SLC25A42: variants seen among roughly 807,000 people sequenced by gnomAD.
SLC25A42 encodes the protein mitochondrial coenzyme A transporter SLC25A42.
A neutral mutation model predicts 34.7 loss-of-function variants in SLC25A42; 19 were observed. The ratio of observed to expected loss-of-function variants is 0.55; its 90% CI spans 0.38 to 0.80. The LOEUF (loss-of-function observed/expected upper bound fraction) is 0.80. Ranked by LOEUF, SLC25A42 falls within the 30% of genes least tolerant of loss-of-function variation. The pLI is 0.00. For synonymous variants in SLC25A42, 205 were observed against 191.2 expected, an observed-to-expected ratio of 1.07 and a Z score of -0.59; for missense variants, 364 against 441.3, an observed-to-expected ratio of 0.82 and a Z score of 1.57.
rs555513923 is a variant in SLC25A42 at position 19,094,427 on chromosome 19, C to T, written c.-34-1664C>T. Among the ~76,000 whole-genome samples, 16 of 152,240 alleles carry T rather than the reference C, an allele frequency of 1.1e-4. 1 individual carries two copies. Among genetic ancestry groups the T allele is most frequent in the Admixed American group, 5.9e-4 (9 of 15,290 alleles). The stretch of plus-strand genomic sequence containing the variant: ...CAGCTTTGGCCATCAAGGGTTCTTT[C>T]GGTGGGTGCCCATGACCCCCTCGCC... On this transcript the variant is annotated intron_variant, in intron 1 of 7. Transcript: ENST00000318596.
At chr19:19,100,608 C>T (rs2059791003) in intron 2 of SLC25A42, among the ~76,000 whole-genome samples, 1 of 152,202 alleles carries the variant, frequency 6.6e-6, no homozygotes, top group Non-Finnish European at 1.5e-5. Context: ...CAAGCTCAGC[C>T]TCTCACCTAC....
At position 19,110,749 on chromosome 19, in the gene SLC25A42, A is replaced by G. The variant is rs1272312180; in HGVS notation, c.830A>G (p.Glu277Gly). ...IARTLRTIVR[E>G]EGAVRGLYKG... Reference sequence around the variant, plus strand: ...CGCACGCTGCGCACCATCGTGCGGGAGGAGGGCGCCGTGCGCGGCCTCTAC... The same window carrying G: ...CGCACGCTGCGCACCATCGTGCGGGGGGAGGGCGCCGTGCGCGGCCTCTAC... The change falls in exon 8 of 8, where the codon GAG becomes GGG. Residue 277 changes from glutamate to glycine, a missense_variant. Transcript: ENST00000318596. 9 of 1,612,530 alleles carry G rather than the reference A, an allele frequency of 5.6e-6. No individual in the cohort carries two copies. Among genetic ancestry groups the G allele is most frequent in the Non-Finnish European group, 4.2e-6 (5 of 1,179,626 alleles).
rs1483571145 is a variant in SLC25A42 at position 19,107,879 on chromosome 19, G to A, written c.498-15G>A. ...AGGCCTGAGTCCCACCTGCTGGGCT[G>A]CTCTGTCCTGGCAGGTACAGCAACA... On this transcript the variant is annotated splice_polypyrimidine_tract_variant and intron_variant, in intron 6 of 7. Transcript: ENST00000318596. 1 of 1,613,618 alleles carries A rather than the reference G, an allele frequency of 6.2e-7. No individual in the cohort carries two copies. The highest frequency in any genetic ancestry group is 8.5e-7 in the Non-Finnish European group (1 of 1,179,892).
At chr19:19,073,673 CA>C (rs1343568461) in intron 1 of SLC25A42, among the ~76,000 whole-genome samples, 2 of 151,676 alleles carry the variant, frequency 1.3e-5, no homozygotes, top group African/African-American at 4.8e-5. Flanking sequence ...CTCCTAGGTT[CA>C]AGCAATTCTC....
In SLC25A42 at chr19:19,101,810, G is replaced by GCTGTCTGGGGCC. The variant is rs1350859965; in HGVS notation, c.115_126dup (p.Ser39_Leu42dup). ...ACCACAGGCAAGTGCTCAGCTCCCT[G>GCTGTCTGGGGCC]CTGTCTGGGGCCCTGGCTGGTGCCC... On this transcript the variant is annotated inframe_insertion, in exon 3 of 8. Coordinates refer to ENST00000318596, the MANE Select transcript of SLC25A42 (RefSeq NM_178526.5). 1.9e-6 allele frequency: 3 copies of GCTGTCTGGGGCC among 1,613,708 alleles called. No homozygotes were observed. Among genetic ancestry groups the GCTGTCTGGGGCC allele is most frequent in the Middle Eastern group, 1.7e-4 (1 of 6,058 alleles).
chr19:19,092,322 C>T (rs1415298338), intron 1 of SLC25A42, among the ~76,000 whole-genome samples: 1 of 152,212 alleles, frequency 6.6e-6, no homozygotes, highest in Admixed American at 6.5e-5. Context: ...CCAGTTACGT[C>T]CCCCAGCCCC....
intron 1 of SLC25A42, among the ~76,000 whole-genome samples, chr19:19,088,604 C>T (rs2059721433): frequency 6.6e-6 from 1 of 152,102 alleles, no homozygotes; most frequent in African/African-American, 2.4e-5. Context: ...ATTCTCCTGC[C>T]TCAGCCTCCT....
chr19:19,065,720 T>C (rs1265841392), intron 1 of SLC25A42, among the ~76,000 whole-genome samples: 1 of 152,260 alleles, frequency 6.6e-6, no homozygotes, highest in African/African-American at 2.4e-5. Context: ...TATATGTATG[T>C]ATATGTGTGT....
chr19:19,067,985 C>T (rs967630237), intron 1 of SLC25A42, among the ~76,000 whole-genome samples: 1 of 152,112 alleles, frequency 6.6e-6, no homozygotes, highest in African/African-American at 2.4e-5. Context: ...GAATCATTCG[C>T]TCGTTTGGGT....
At chr19:19,106,205 C>G (rs114148593) in intron 5 of SLC25A42, 64 bp from the exon 6 acceptor site, 2 of 1,404,768 alleles carry the variant, frequency 1.4e-6, no homozygotes, top group Non-Finnish European at 2.0e-6. Flanking sequence ...GTGCTCCAGG[C>G]TGGGCCTCTG....
At chr19:19,092,107 C>T (rs1265450213) in intron 1 of SLC25A42, among the ~76,000 whole-genome samples, 2 of 152,168 alleles carry the variant, frequency 1.3e-5, no homozygotes. Flanking sequence ...GTGCTCCAGG[C>T]CTCATCCTCA....
At chr19:19,070,847 A>C (rs1282148581) in intron 1 of SLC25A42, among the ~76,000 whole-genome samples, 3 of 152,180 alleles carry the variant, frequency 2.0e-5, no homozygotes, top group African/African-American at 7.2e-5. Flanking sequence ...TTCAGGAAGA[A>C]TAGGCCAATG....
chr19:19,082,538 T>C (rs944156066), intron 1 of SLC25A42, among the ~76,000 whole-genome samples: 1 of 151,956 alleles, frequency 6.6e-6, no homozygotes, highest in Non-Finnish European at 1.5e-5. Flanking sequence ...AATTTTTGTA[T>C]TTTTTGAAAG....
chr19:19,098,409 G>A (rs1033581809), intron 2 of SLC25A42, among the ~76,000 whole-genome samples: 1 of 152,188 alleles, frequency 6.6e-6, no homozygotes, highest in Non-Finnish European at 1.5e-5. Flanking sequence ...AACAGCCTGG[G>A]TAACATAGCA....
chr19:19,072,116 G>A (rs1400509908), intron 1 of SLC25A42, among the ~76,000 whole-genome samples: 1 of 152,022 alleles, frequency 6.6e-6, no homozygotes, highest in Non-Finnish European at 1.5e-5. Flanking sequence ...GCCTCCCAAA[G>A]TATTGGAATT....
intron 1 of SLC25A42, among the ~76,000 whole-genome samples, chr19:19,087,451 C>A (rs958324343): frequency 6.6e-6 from 1 of 152,148 alleles, no homozygotes; most frequent in Non-Finnish European, 1.5e-5. Context: ...CCACACCCAG[C>A]TGATTTTTGT....
chr19:19,106,464 C>A, intron 6 of SLC25A42, 79 bp downstream of exon 6: 1 of 1,214,844 alleles, frequency 8.2e-7, no homozygotes, highest in Non-Finnish European at 1.2e-6. Flanking sequence ...ATCCCTCTCT[C>A]TATCGGGCCC....
At chr19:19,101,986 A>T (rs537969555) in intron 3 of SLC25A42, 100 bp downstream of exon 3, 9 of 716,038 alleles carry the variant, frequency 1.3e-5, no homozygotes, top group Non-Finnish European at 2.0e-5. Context: ...TTATTTTTAG[A>T]TTTATTTTAG....
chr19:19,089,554 T>A (rs1367099788), intron 1 of SLC25A42, among the ~76,000 whole-genome samples: 1 of 135,872 alleles, frequency 7.4e-6, no homozygotes, highest in Non-Finnish European at 1.6e-5. Flanking sequence ...ATAATAATAA[T>A]AAATTATATA....
Sources: allele counts gnomAD v4.1 joint callset (sites outside exome capture counted in the v4.1 genomes callset), GRCh38; gene constraint gnomAD v4.1.1; transcripts MANE v1.5; gene names NCBI Gene and HGNC (gene_info 2026-07-23, HGNC 2026-07-21).